The following FOXN3 variants were observed in gnomAD, a reference collection of about 807,000 sequenced individuals.
FOXN3 encodes forkhead box protein N3.
Under a neutral mutation model 38.4 loss-of-function variants are expected in FOXN3, and 7 were observed. The observed-to-expected ratio is 0.18, with a 90% CI of 0.10 to 0.34. The LOEUF (loss-of-function observed/expected upper bound fraction) is 0.34, where lower values mean the gene tolerates loss of function less well. Among genes scored for constraint, FOXN3 ranks in the 10% least tolerant of loss-of-function variants. The pLI, the probability that FOXN3 is intolerant of heterozygous loss-of-function variation, is 1.00. For synonymous variants in FOXN3, 230 were observed against 242.2 expected (o/e 0.95, Z 0.47); for missense variants, 456 against 613.4 (o/e 0.74, Z 2.71).
chr14:89,372,652 G>A (rs575587375), intron 2 of FOXN3, among the ~76,000 whole-genome samples: 3 of 151,944 alleles, frequency 2.0e-5, no homozygotes, highest in Middle Eastern at 3.4e-3. Flanking sequence ...CTAGGTCAGG[G>A]TAACCCACAG....
chr14:89,328,043 T>C (rs1199465559), intron 3 of FOXN3, among the ~76,000 whole-genome samples: 1 of 152,242 alleles, frequency 6.6e-6, no homozygotes. Context: ...ATGTCACCAC[T>C]GTGTTTCAGT....
intron 1 of FOXN3, among the ~76,000 whole-genome samples, chr14:89,585,150 C>T (rs1022336900): frequency 1.3e-5 from 2 of 152,182 alleles, no homozygotes; most frequent in East Asian, 3.9e-4. Context: ...ACACACCTCA[C>T]ACTTTCCTCT....
At chr14:89,479,886 A>G (rs185065239) in intron 1 of FOXN3, among the ~76,000 whole-genome samples, 174 of 152,274 alleles carry the variant, frequency 1.1e-3, no homozygotes, top group Non-Finnish European at 2.0e-3. Context: ...AGCCAATGGG[A>G]AAACTCTTAA....
intron 3 of FOXN3, among the ~76,000 whole-genome samples, chr14:89,323,546 C>T (rs1410980298): frequency 6.6e-6 from 1 of 151,876 alleles, no homozygotes; most frequent in African/African-American, 2.4e-5. Flanking sequence ...TGGTGAAACC[C>T]CGTCTCTACT....
chr14:89,308,392 T>C (rs570321232), intron 3 of FOXN3, among the ~76,000 whole-genome samples: 2 of 152,394 alleles, frequency 1.3e-5, no homozygotes, highest in South Asian at 2.1e-4. Flanking sequence ...TTGTTCGAGA[T>C]GTCCCGCACC....
At chr14:89,242,028 C>T (rs1348355705) in intron 4 of FOXN3, among the ~76,000 whole-genome samples, 1 of 152,152 alleles carries the variant, frequency 6.6e-6, no homozygotes, top group Non-Finnish European at 1.5e-5. Context: ...TTCTGTTGCT[C>T]CTGGGAAGTG....
intron 4 of FOXN3, among the ~76,000 whole-genome samples, chr14:89,262,165 G>A (rs1000780997): frequency 8.5e-5 from 13 of 152,182 alleles, no homozygotes; most frequent in Admixed American, 6.5e-5. Flanking sequence ...TTGATGGCTG[G>A]AAAAGAGAGC....
At chr14:89,268,892 G>T (rs1886064083) in intron 4 of FOXN3, among the ~76,000 whole-genome samples, 1 of 152,198 alleles carries the variant, frequency 6.6e-6, no homozygotes, top group Non-Finnish European at 1.5e-5. Flanking sequence ...TTGGGCCCAT[G>T]ACAGCTGCAA....
intron 5 of FOXN3, among the ~76,000 whole-genome samples, chr14:89,177,769 G>C (rs944279125): frequency 6.6e-6 from 1 of 152,098 alleles, no homozygotes; most frequent in Non-Finnish European, 1.5e-5. Context: ...AGCACTTGCA[G>C]AACTGTGTTC....
At chr14:89,291,754 G>T (rs928217166) in intron 3 of FOXN3, among the ~76,000 whole-genome samples, 1 of 152,144 alleles carries the variant, frequency 6.6e-6, no homozygotes, top group East Asian at 1.9e-4. Context: ...TTCCTTGAAC[G>T]TGTTTGCGAA....
chr14:89,538,802 A>T (rs1320768320), intron 1 of FOXN3, among the ~76,000 whole-genome samples: 4 of 152,020 alleles, frequency 2.6e-5, no homozygotes, highest in Non-Finnish European at 4.4e-5. Context: ...TACAGGCATG[A>T]GTCACCGCAC....
intron 2 of FOXN3, among the ~76,000 whole-genome samples, chr14:89,382,929 G>C (rs1890690303): frequency 6.6e-6 from 1 of 151,972 alleles, no homozygotes; most frequent in Admixed American, 6.6e-5. Flanking sequence ...AGCAGTAGCA[G>C]GAGGCTCCCC....
At chr14:89,312,995 G>A (rs909078837) in intron 3 of FOXN3, among the ~76,000 whole-genome samples, 1 of 152,158 alleles carries the variant, frequency 6.6e-6, no homozygotes, top group African/African-American at 2.4e-5. Context: ...AAGCCCTGTC[G>A]CTTTGTCCCA....
chr14:89,333,966 G>GTATATA (rs71130055), intron 3 of FOXN3, among the ~76,000 whole-genome samples: 55 of 131,498 alleles, frequency 4.2e-4, no homozygotes, highest in African/African-American at 1.3e-3. Flanking sequence ...AATGTGGTGT[G>GTATATA]TATATATATA....
intron 3 of FOXN3, among the ~76,000 whole-genome samples, chr14:89,325,307 C>A (rs868459759): frequency 1.3e-3 from 156 of 124,322 alleles, no homozygotes; most frequent in East Asian, 1.9e-3. Context: ...ACCAACACCA[C>A]CACCACGACC....
At chr14:89,191,965 C>T (rs941886150) in intron 4 of FOXN3, among the ~76,000 whole-genome samples, 1,835 of 70,250 alleles carry the variant, frequency 0.026, 119 homozygotes, top group African/African-American at 0.19. Flanking sequence ...TATATATACA[C>T]ATATATATAA....
At chr14:89,231,224 G>T (rs1884799125) in intron 4 of FOXN3, among the ~76,000 whole-genome samples, 1 of 151,644 alleles carries the variant, frequency 6.6e-6, no homozygotes, top group Non-Finnish European at 1.5e-5. Context: ...AAAAAAAAAA[G>T]TATCTGTTCG....
At chr14:89,428,066 C>T (rs182713094) in intron 1 of FOXN3, among the ~76,000 whole-genome samples, 5 of 152,276 alleles carry the variant, frequency 3.3e-5, no homozygotes, top group East Asian at 1.9e-4. Flanking sequence ...TAACTTCTCT[C>T]GTTTTACTTT....
chr14:89,237,893 CAT>C (rs1338059950), intron 4 of FOXN3, among the ~76,000 whole-genome samples: 1 of 152,208 alleles, frequency 6.6e-6, no homozygotes. Context: ...TTGTTTCTCC[CAT>C]AGAGCTGTGT....
Sources: allele counts gnomAD v4.1 joint callset (sites outside exome capture counted in the v4.1 genomes callset), GRCh38; gene constraint gnomAD v4.1.1; transcripts MANE v1.5; gene names NCBI Gene and HGNC (gene_info 2026-07-23, HGNC 2026-07-21).